The following ANO3 variants were observed in gnomAD, a reference collection of about 807,000 sequenced individuals.
The protein encoded by ANO3 is anoctamin 3.
ANO3 carries 99 observed loss-of-function variants against 144.8 expected under a neutral mutation model. The observed-to-expected ratio is 0.68, with a 90% CI of 0.58 to 0.81. The LOEUF (loss-of-function observed/expected upper bound fraction) is 0.81. Ranked by LOEUF, ANO3 falls within the 30% of genes least tolerant of loss-of-function variation. The probability of loss-of-function intolerance (pLI) is 0.00; values close to 1 mark genes in which losing one functional copy is unlikely to be tolerated. For synonymous variants in ANO3, 414 were observed against 392.6 expected, an observed-to-expected ratio of 1.05 and a Z score of -0.64; for missense variants, 905 against 1,202.2, an observed-to-expected ratio of 0.75 and a Z score of 3.66.
intron 24 of ANO3, among the ~76,000 whole-genome samples, chr11:26,651,789 G>T (rs1423726004): frequency 6.6e-6 from 1 of 152,034 alleles, no homozygotes; most frequent in Non-Finnish European, 1.5e-5. Context: ...AACGTTTTTG[G>T]AATTATAGGC....
intron 1 of ANO3, among the ~76,000 whole-genome samples, chr11:26,215,335 C>T (rs1046820605): frequency 9.9e-5 from 15 of 151,934 alleles, no homozygotes; most frequent in Non-Finnish European, 2.1e-4. Flanking sequence ...TTATTTTATA[C>T]TTTGGGTTTT....
intron 1 of ANO3, among the ~76,000 whole-genome samples, chr11:26,353,366 T>C (rs1855696063): frequency 6.6e-6 from 1 of 152,200 alleles, no homozygotes; most frequent in Non-Finnish European, 1.5e-5. Flanking sequence ...GGTCTTATCG[T>C]CCCCTACCTT....
intron 26 of ANO3, among the ~76,000 whole-genome samples, chr11:26,658,594 G>T (rs1385112683): frequency 6.6e-6 from 1 of 152,068 alleles, no homozygotes; most frequent in Non-Finnish European, 1.5e-5. Context: ...TGGGCAACAA[G>T]AGTGAAACTC....
At chr11:26,322,649 C>T (rs193250583) in intron 1 of ANO3, among the ~76,000 whole-genome samples, 1 of 152,126 alleles carries the variant, frequency 6.6e-6, no homozygotes, top group Admixed American at 6.6e-5. Flanking sequence ...AAAGAATGTG[C>T]CATTTTCACC....
At chr11:26,587,983 A>G (rs1851336855) in intron 14 of ANO3, among the ~76,000 whole-genome samples, 1 of 151,874 alleles carries the variant, frequency 6.6e-6, no homozygotes, top group Non-Finnish European at 1.5e-5. Context: ...CGGAAAGCAA[A>G]GAGGGTTTTC....
intron 6 of ANO3, among the ~76,000 whole-genome samples, chr11:26,517,651 C>T (rs968416705): frequency 6.6e-6 from 1 of 151,952 alleles, no homozygotes; most frequent in Non-Finnish European, 1.5e-5. Flanking sequence ...TTAAAAGGTT[C>T]AGCACAAACA....
rs201218745 is a variant in ANO3 at position 26,561,204 on chromosome 11, G to A, written c.1447+1425G>A. On this transcript the variant is annotated intron_variant, in intron 14 of 26. Coordinates refer to ENST00000256737, the MANE Select transcript of ANO3 (RefSeq NM_031418.4). ...CCCAAAACTCACATCATAAGGTTCC[G>A]GTGCATTGTCTAATCGCAGAACTAA... 1,115 of 1,609,494 alleles carry A rather than the reference G, an allele frequency of 6.9e-4. 16 individuals carry two copies. The South Asian group carries it at 0.01, about 15-fold the overall frequency.
At chr11:26,221,337 A>T (rs1852139557) in intron 1 of ANO3, among the ~76,000 whole-genome samples, 1 of 152,166 alleles carries the variant, frequency 6.6e-6, no homozygotes, top group African/African-American at 2.4e-5. Flanking sequence ...GGCATAAGGA[A>T]GTCTCGTATA....
At chr11:26,404,818 G>A (rs1482973708) in intron 1 of ANO3, among the ~76,000 whole-genome samples, 1 of 151,508 alleles carries the variant, frequency 6.6e-6, no homozygotes, top group Non-Finnish European at 1.5e-5. Context: ...CTACTTAAAG[G>A]AAAACCATAA....
In ANO3 at chr11:26,359,132, C is replaced by T. The variant is rs185252001; in HGVS notation, c.46+26811C>T. 8.5e-5 allele frequency among the ~76,000 whole-genome samples: 13 copies of T among 152,358 alleles called. No individual in the cohort carries two copies. The East Asian group carries it at 2.3e-3, about 27-fold the overall frequency. ...AAAATTTTATATTGGAAACCAGGCA[C>T]TAGCAGTTTTACCTTGTAGAATGCT... is the stretch of plus-strand genomic sequence containing the variant. On this transcript the variant is annotated intron_variant, in intron 1 of 26. Coordinates refer to ENST00000256737, the MANE Select transcript of ANO3 (RefSeq NM_031418.4).
chr11:26,350,022 A>G (rs1018248228), intron 1 of ANO3, among the ~76,000 whole-genome samples: 2 of 150,758 alleles, frequency 1.3e-5, no homozygotes, highest in Non-Finnish European at 2.9e-5. Flanking sequence ...TCTGAAAGAG[A>G]CGGGAAAGGA....
chr11:26,627,573 T>C (rs1251972635), intron 18 of ANO3, among the ~76,000 whole-genome samples: 2 of 152,072 alleles, frequency 1.3e-5, no homozygotes, highest in African/African-American at 4.8e-5. Context: ...TGAAGTACCC[T>C]ATACCCAGGA....
chr11:26,540,461 T>C (rs776272446), intron 10 of ANO3, among the ~76,000 whole-genome samples: 1 of 152,122 alleles, frequency 6.6e-6, no homozygotes, highest in Non-Finnish European at 1.5e-5. Flanking sequence ...AAATGGGATC[T>C]AATTAAACTA....
chr11:26,219,957 T>G lies in ANO3; in HGVS notation c.154+30627T>G, dbSNP rs59802658. On this transcript the variant is annotated intron_variant, in intron 1 of 27. Transcript: ENST00000672621. ...TGAACTCAAATATTACAGAACTTCT[T>G]GTTCTAGGACAAATAAGCACATAGC... Among the ~76,000 whole-genome samples the G allele has an allele frequency of 8.5e-3, 1,302 of 152,300 alleles. 21 individuals carry two copies. The highest frequency in any genetic ancestry group is 0.026 in the African/African-American group (1,068 of 41,562).
chr11:26,565,156 T>A, intron 14 of ANO3: 1 of 1,494,096 alleles, frequency 6.7e-7, no homozygotes, highest in African/African-American at 1.4e-5. Flanking sequence ...TAAAATCATT[T>A]ATATTTACCT....
At chr11:26,549,677 T>A (rs974034556) in intron 12 of ANO3, among the ~76,000 whole-genome samples, 1 of 151,936 alleles carries the variant, frequency 6.6e-6, no homozygotes, top group Non-Finnish European at 1.5e-5. Context: ...TATATTTACA[T>A]GTATACACTG....
At chr11:26,644,979 A>G (rs1055651412) in intron 23 of ANO3, among the ~76,000 whole-genome samples, 2 of 152,110 alleles carry the variant, frequency 1.3e-5, no homozygotes, top group African/African-American at 4.8e-5. Context: ...ATATAATCCA[A>G]TTGACATATA....
chr11:26,495,147 C>A (rs1159385607), intron 4 of ANO3, among the ~76,000 whole-genome samples: 1 of 151,274 alleles, frequency 6.6e-6, no homozygotes, highest in African/African-American at 2.4e-5. Context: ...CTTTGTCATC[C>A]AGGCTGGAGT....
At chr11:26,355,503 G>A (rs1398677734) in intron 1 of ANO3, among the ~76,000 whole-genome samples, 2 of 149,262 alleles carry the variant, frequency 1.3e-5, no homozygotes, top group South Asian at 2.1e-4. Context: ...ATCCACAACC[G>A]TTCTACACTG....
Sources: allele counts gnomAD v4.1 joint callset (sites outside exome capture counted in the v4.1 genomes callset), GRCh38; gene constraint gnomAD v4.1.1; transcripts MANE v1.5; gene names NCBI Gene and HGNC (gene_info 2026-07-23, HGNC 2026-07-21).